The following KCNMA1 variants were observed in gnomAD, a reference collection of about 807,000 sequenced individuals.
The protein encoded by KCNMA1 is potassium calcium-activated channel subfamily M alpha 1, also known as Calcium-activated potassium channel subunit alpha-1.
Under a neutral mutation model 140.0 loss-of-function variants are expected in KCNMA1, and 29 were observed. That is an observed-to-expected ratio of 0.21 (90% CI 0.15 to 0.28). The LOEUF is 0.28. KCNMA1 is among the 10% of genes least tolerant of loss of function. The pLI is 1.00. For missense variants in KCNMA1, 880 were observed against 1,602.2 expected (o/e 0.55, Z 7.70); for synonymous variants, 612 against 611.9 (o/e 1.00, Z 0.00).
rs79473929 is a variant in KCNMA1 at position 76,978,236 on chromosome 10, T to C, written c.2267-8169A>G. Among the ~76,000 whole-genome samples, 747 of 152,298 alleles carry C rather than the reference T, an allele frequency of 4.9e-3. 19 individuals carry two copies. The highest frequency in any genetic ancestry group is 6.6e-3 in the Non-Finnish European group (448 of 68,026). Reference sequence around the variant, plus strand: ...TGATGAGTTTGTAATGCATTTCTTATCAAAGGTAGTTTCAGAAAAGAAAAT... The same window carrying C: ...TGATGAGTTTGTAATGCATTTCTTACCAAAGGTAGTTTCAGAAAAGAAAAT... On this transcript the variant is annotated intron_variant, in intron 19 of 27. Transcript: ENST00000286628.
intron 25 of KCNMA1, among the ~76,000 whole-genome samples, chr10:76,895,518 C>A (rs1175691570): frequency 6.6e-6 from 1 of 152,044 alleles, no homozygotes; most frequent in Non-Finnish European, 1.5e-5. Flanking sequence ...TGGTAATACC[C>A]AAAAGGTGAA....
At chr10:77,056,664 C>T (rs115393018) in intron 14 of KCNMA1, among the ~76,000 whole-genome samples, 2,414 of 152,024 alleles carry the variant, frequency 0.016, 80 homozygotes, top group African/African-American at 0.055. Context: ...TACTATTTCC[C>T]GATAACTAAG....
chr10:77,109,715 G>T (rs1031148369), intron 8 of KCNMA1, among the ~76,000 whole-genome samples: 9 of 152,050 alleles, frequency 5.9e-5, no homozygotes. Flanking sequence ...TTTAGGGCAG[G>T]CCCCAGCCAC....
intron 2 of KCNMA1, among the ~76,000 whole-genome samples, chr10:77,275,185 A>G (rs766014987): frequency 4.6e-5 from 7 of 152,164 alleles, no homozygotes; most frequent in Non-Finnish European, 1.0e-4. Context: ...TACCAACTGA[A>G]TATTTGTGAG....
intron 5 of KCNMA1, among the ~76,000 whole-genome samples, chr10:77,137,011 T>C (rs1006814879): frequency 6.6e-6 from 1 of 152,180 alleles, no homozygotes; most frequent in African/African-American, 2.4e-5. Context: ...TGAGAACTAT[T>C]GCTGTGGAAT....
At chr10:77,315,435 C>T (rs1445490392) in intron 2 of KCNMA1, 2 of 152,196 alleles carry the variant, frequency 1.3e-5, no homozygotes, top group Non-Finnish European at 2.9e-5. Context: ...TAGCTGCCAT[C>T]TTGTGTTTGT....
intron 1 of KCNMA1, among the ~76,000 whole-genome samples, chr10:77,472,724 G>A (rs1567033238): frequency 1.3e-5 from 2 of 152,110 alleles, no homozygotes; most frequent in Non-Finnish European, 2.9e-5. Flanking sequence ...AAATATCTGT[G>A]CGTGCAGAAG....
At chr10:77,365,210 A>G (rs2094268868) in intron 2 of KCNMA1, among the ~76,000 whole-genome samples, 1 of 152,104 alleles carries the variant, frequency 6.6e-6, no homozygotes, top group African/African-American at 2.4e-5. Context: ...AAGCATCACA[A>G]TCTCACTCTC....
intron 1 of KCNMA1, among the ~76,000 whole-genome samples, chr10:77,418,865 G>A (rs2096802397): frequency 6.6e-6 from 1 of 152,214 alleles, no homozygotes; most frequent in Non-Finnish European, 1.5e-5. Context: ...TTAGAAGAGA[G>A]GGCCACCTCA....
chr10:77,184,939 A>T (rs760971186), intron 3 of KCNMA1, 23 bp from the exon 4 acceptor site: 1 of 1,420,242 alleles, frequency 7.0e-7, no homozygotes, highest in Non-Finnish European at 1.0e-6. Flanking sequence ...AAGAAGAAAA[A>T]GCAAGAGGTA....
intron 2 of KCNMA1, among the ~76,000 whole-genome samples, chr10:77,306,331 GC>G (rs1168330178): frequency 6.6e-6 from 1 of 152,222 alleles, no homozygotes; most frequent in Non-Finnish European, 1.5e-5. Context: ...CAAGCTATGA[GC>G]TGTGGAACAG....
intron 1 of KCNMA1, among the ~76,000 whole-genome samples, chr10:77,577,558 G>T (rs1369751483): frequency 6.6e-6 from 1 of 152,052 alleles, no homozygotes; most frequent in Non-Finnish European, 1.5e-5. Context: ...TAATACACCA[G>T]GCAACTCTAA....
At chr10:77,044,962 C>T (rs1013951374) in intron 14 of KCNMA1, among the ~76,000 whole-genome samples, 3 of 152,072 alleles carry the variant, frequency 2.0e-5, no homozygotes, top group African/African-American at 7.2e-5. Context: ...AAACCGAAGC[C>T]CATCAAGGAC....
chr10:77,001,103 T>C (rs2086282126), intron 19 of KCNMA1, among the ~76,000 whole-genome samples: 2 of 152,018 alleles, frequency 1.3e-5, no homozygotes, highest in Admixed American at 6.6e-5. Flanking sequence ...GTAGGTGATA[T>C]GCTGTCACTT....
intron 5 of KCNMA1, among the ~76,000 whole-genome samples, chr10:77,172,690 CTCA>C (rs2098718135): frequency 3.2e-5 from 2 of 63,114 alleles, no homozygotes; most frequent in African/African-American, 8.7e-5. Flanking sequence ...TGAATTCTTT[CTCA>C]AAAAAAAACA....
intron 1 of KCNMA1, among the ~76,000 whole-genome samples, chr10:77,429,881 G>T (rs577453400): frequency 9.1e-4 from 138 of 152,220 alleles, no homozygotes; most frequent in African/African-American, 3.1e-3. Flanking sequence ...AAGCAAGTCA[G>T]GGTTCAAAAT....
chr10:77,195,037 T>G (rs1363061644), intron 3 of KCNMA1, among the ~76,000 whole-genome samples: 1 of 152,112 alleles, frequency 6.6e-6, no homozygotes, highest in African/African-American at 2.4e-5. Flanking sequence ...GAAGTTTTGT[T>G]GTTGTTGTTG....
At chr10:77,305,539 G>A (rs184249237) in intron 2 of KCNMA1, among the ~76,000 whole-genome samples, 5 of 152,274 alleles carry the variant, frequency 3.3e-5, no homozygotes, top group Admixed American at 3.3e-4. Flanking sequence ...GGTTCTCAGA[G>A]GGGAGCTCTC....
chr10:77,303,814 G>A (rs1302060241), intron 2 of KCNMA1, among the ~76,000 whole-genome samples: 4 of 152,138 alleles, frequency 2.6e-5, no homozygotes, highest in Non-Finnish European at 2.9e-5. Flanking sequence ...TGTGCTCTTC[G>A]CCACCACACT....
Sources: allele counts gnomAD v4.1 joint callset (sites outside exome capture counted in the v4.1 genomes callset), GRCh38; gene constraint gnomAD v4.1.1; transcripts MANE v1.5; gene names NCBI Gene and HGNC (gene_info 2026-07-23, HGNC 2026-07-21).